Variants in GLIS3 observed in about 807,000 individuals in gnomAD.
GLIS3 encodes zinc finger protein GLIS3.
Under a neutral mutation model 78.6 loss-of-function variants are expected in GLIS3, and 53 were observed. The observed-to-expected ratio is 0.67, with a 90% confidence interval of 0.54 to 0.85. The LOEUF (loss-of-function observed/expected upper bound fraction) is 0.85, where lower values mean the gene tolerates loss of function less well. GLIS3 is among the 40% of genes least tolerant of loss of function. GLIS3 has a pLI of 0.00. For missense variants in GLIS3, 1,703 were observed against 1,231.1 expected (o/e 1.38, Z -5.74); for synonymous variants, 684 against 509.9 (o/e 1.34, Z -4.60).
intron 4 of GLIS3, among the ~76,000 whole-genome samples, chr9:3,966,937 C>T (rs1817982120): frequency 6.7e-6 from 1 of 149,030 alleles, no homozygotes; most frequent in Non-Finnish European, 1.5e-5. Flanking sequence ...ATTCTCATCA[C>T]CCCAGTGAGA....
chr9:4,076,508 A>T (rs1332960347), intron 4 of GLIS3, among the ~76,000 whole-genome samples: 2 of 152,224 alleles, frequency 1.3e-5, no homozygotes, highest in Non-Finnish European at 2.9e-5. Flanking sequence ...TATAATTAGT[A>T]TATTCTAATG....
At chr9:4,301,570 T>G (rs1479441875), upstream of GLIS3, among the ~76,000 whole-genome samples, 4 of 152,180 alleles carry the variant, frequency 2.6e-5, no homozygotes, top group East Asian at 7.7e-4. Flanking sequence ...CAATGCATCA[T>G]GGGAACTTCT....
intron 4 of GLIS3, among the ~76,000 whole-genome samples, chr9:4,105,777 T>C (rs1292016373): frequency 6.6e-6 from 1 of 152,148 alleles, no homozygotes; most frequent in African/African-American, 2.4e-5. Context: ...TCTTGACTGA[T>C]TCCACCATAA....
intron 2 of GLIS3, among the ~76,000 whole-genome samples, chr9:4,272,962 G>C (rs1340328165): frequency 2.0e-5 from 3 of 152,210 alleles, no homozygotes; most frequent in South Asian, 4.1e-4. Context: ...AAAATCTTTA[G>C]ATGGGAGATA....
At chr9:4,398,421 T>C in the GLIS3 span, among the ~76,000 whole-genome samples, 15 of 152,152 alleles carry the variant, frequency 9.9e-5, 1 homozygote, top group South Asian at 2.7e-3. Context: ...CAAGTGCACA[T>C]TCAAGTGTCC....
chr9:4,174,578 A>C (rs541977415), intron 2 of GLIS3, among the ~76,000 whole-genome samples: 2 of 152,316 alleles, frequency 1.3e-5, no homozygotes, highest in African/African-American at 4.8e-5. Context: ...CAATTATCTA[A>C]CTGACATTTT....
At chr9:4,446,478 G>A in the GLIS3 span, among the ~76,000 whole-genome samples, 1 of 151,510 alleles carries the variant, frequency 6.6e-6, no homozygotes. Context: ...TGTCCAAGTG[G>A]ACTAAGACAG....
rs547424244 is a variant in GLIS3 at position 3,930,932 on chromosome 9, T to C, written c.1983+1428A>G. Among the ~76,000 whole-genome samples the C allele has an allele frequency of 2.0e-5, 3 of 152,280 alleles. No individual in the cohort carries two copies. In the South Asian group the frequency reaches 6.2e-4, roughly 32 times the overall value. ...CGGTGGTTCTGCTGAAAGTAGTTAA[T>C]AGCATGCAAAAAGGGTGTGTTATTT... On this transcript the variant is annotated intron_variant, in intron 6 of 10. Transcript: ENST00000381971.
chr9:4,089,003 A>T (rs987508034), intron 4 of GLIS3, among the ~76,000 whole-genome samples: 1 of 152,266 alleles, frequency 6.6e-6, no homozygotes, highest in African/African-American at 2.4e-5. Context: ...ATCTATATCC[A>T]TGAGCTGTGT....
At chr9:4,386,468 C>T in the GLIS3 span, 1 of 152,120 alleles carries the variant, frequency 6.6e-6, no homozygotes, top group Non-Finnish European at 1.5e-5. Flanking sequence ...GCATGTTAAT[C>T]TTCTCTGTAT....
chr9:3,879,383 T>C (rs1821565390), intron 8 of GLIS3, 44 bp downstream of exon 8: 4 of 1,592,564 alleles, frequency 2.5e-6, no homozygotes, highest in Non-Finnish European at 1.7e-6. Flanking sequence ...TGAAGGGAGG[T>C]TTGGCGGCGA....
chr9:3,855,425 A>T (rs7866992), intron 9 of GLIS3: 1 of 157,860 alleles, frequency 6.3e-6, no homozygotes, highest in African/African-American at 2.4e-5. Context: ...CTCACAAAGA[A>T]GTCTGCACAT....
intron 4 of GLIS3, among the ~76,000 whole-genome samples, chr9:4,106,472 G>A (rs1830760260): frequency 6.6e-6 from 1 of 152,134 alleles, no homozygotes; most frequent in South Asian, 2.1e-4. Context: ...TGTCATCCTT[G>A]GGGGTAATTT....
rs374039976 is a variant in GLIS3 at position 3,872,803 on chromosome 9, A to G, written c.2297+6624T>C. ...AGTGCTAAAAGGGAAGTTTGTAGCA[A>G]TAAATGCTTATATCAAAAAAGTAGA... On this transcript the variant is annotated intron_variant, in intron 8 of 10. Transcript: ENST00000381971. 3.0e-4 allele frequency among the ~76,000 whole-genome samples: 46 copies of G among 152,334 alleles called. No individual in the cohort carries two copies. In the East Asian group the frequency reaches 5.6e-3, roughly 19 times the overall value.
intron 3 of GLIS3, among the ~76,000 whole-genome samples, chr9:4,309,819 G>T (rs1817315944): frequency 6.6e-6 from 1 of 152,074 alleles, no homozygotes; most frequent in Non-Finnish European, 1.5e-5. Context: ...GAAGCGCTGG[G>T]ATAACTCCGA....
At chr9:4,310,732 G>A (rs1392782347) in intron 2 of GLIS3, among the ~76,000 whole-genome samples, 1 of 152,104 alleles carries the variant, frequency 6.6e-6, no homozygotes, top group Non-Finnish European at 1.5e-5. Flanking sequence ...AGGATTACCC[G>A]CTCTTGGGTC....
At chr9:4,111,436 T>C (rs754829519) in intron 4 of GLIS3, among the ~76,000 whole-genome samples, 2 of 152,220 alleles carry the variant, frequency 1.3e-5, no homozygotes, top group Non-Finnish European at 2.9e-5. Context: ...ACAAAGTTCA[T>C]GAAAGGTCAG....
chr9:3,862,342 A>G (rs1820265646), intron 8 of GLIS3, among the ~76,000 whole-genome samples: 1 of 152,192 alleles, frequency 6.6e-6, no homozygotes, highest in Non-Finnish European at 1.5e-5. Flanking sequence ...ACTACCTTTA[A>G]GAAATCTAGC....
At chr9:4,188,913 G>A (rs1192633034) in intron 2 of GLIS3, among the ~76,000 whole-genome samples, 2 of 152,064 alleles carry the variant, frequency 1.3e-5, no homozygotes, top group Non-Finnish European at 1.5e-5. Flanking sequence ...CTTGCTAGCG[G>A]TCTATCAATT....
Sources: gnomAD v4.1 joint callset for allele counts (sites outside exome capture counted in the v4.1 genomes callset) on GRCh38, gnomAD v4.1.1 for gene constraint, MANE v1.5 for transcripts, NCBI Gene and HGNC (gene_info 2026-07-23, HGNC 2026-07-21) for gene names.